ACSM5: variants seen among roughly 807,000 people sequenced by gnomAD.
The protein encoded by ACSM5 is acyl-coenzyme A synthetase ACSM5, mitochondrial.
ACSM5 carries 56 observed loss-of-function variants against 71.6 expected under a neutral mutation model. The observed-to-expected ratio is 0.78, with a 90% CI of 0.63 to 0.98. ACSM5 has a LOEUF of 0.98. ACSM5 is among the 50% of genes least tolerant of loss of function. ACSM5 has a pLI of 0.00. For missense variants in ACSM5, 723 were observed against 726.0 expected (o/e 1.00, Z 0.05); for synonymous variants, 285 against 281.5 (o/e 1.01, Z -0.12).
At chr16:20,419,533 A>G (rs1966869207) in intron 4 of ACSM5, 98 bp downstream of exon 4, 2 of 1,226,880 alleles carry the variant, frequency 1.6e-6, no homozygotes, top group Non-Finnish European at 2.3e-6. Context: ...ATAGAGAGCG[A>G]ATCAGAGAGG....
intron 2 of ACSM5, 32 bp from the exon 3 acceptor site, chr16:20,418,026 CT>C (rs1419057825): frequency 1.9e-6 from 3 of 1,582,428 alleles, no homozygotes; most frequent in Non-Finnish European, 2.6e-6. Flanking sequence ...CAATAAATTG[CT>C]TCTTTTTTTT....
chr16:20,429,613 GC>G, intron 7 of ACSM5, 64 bp from the exon 8 acceptor site: 1 of 1,604,336 alleles, frequency 6.2e-7, no homozygotes, highest in Non-Finnish European at 8.5e-7. Context: ...CTGGGCAGTG[GC>G]ACCAGAGGGC....
chr16:20,415,912 A>G (rs1966855459), intron 2 of ACSM5, among the ~76,000 whole-genome samples: 1 of 152,186 alleles, frequency 6.6e-6, no homozygotes, highest in African/African-American at 2.4e-5. Flanking sequence ...TTTTAAGAGC[A>G]GATAACTTAA....
At chr16:20,431,689 A>G (rs564587863) in intron 10 of ACSM5, among the ~76,000 whole-genome samples, 1 of 152,032 alleles carries the variant, frequency 6.6e-6, no homozygotes, top group Non-Finnish European at 1.5e-5. Flanking sequence ...AGTGGCTCAC[A>G]TCTGTAATCT....
intron 5 of ACSM5, among the ~76,000 whole-genome samples, chr16:20,422,010 G>A (rs112987991): frequency 0.045 from 6,773 of 152,020 alleles, 163 homozygotes; most frequent in South Asian, 0.061. Flanking sequence ...TGTCCTCAAG[G>A]TTCATCCGTG....
chr16:20,410,624 C>T (rs1966845816), intron 1 of ACSM5, among the ~76,000 whole-genome samples: 1 of 152,140 alleles, frequency 6.6e-6, no homozygotes, highest in Admixed American at 6.5e-5. Flanking sequence ...GTCCCAGCTA[C>T]TAGGAAGCCT....
Position 20,418,221 on chromosome 16 carries a change from C to T in ACSM5, c.367C>T (p.Pro123Ser). ...TGGGGACAGAATGATGCTGGTACTC[C>T]CACGGCTCCCGGAGTGGTGGCTGGT... ...QPGDRMMLVL[P>S]RLPEWWLVSV... The change falls in exon 3 of 14, where the codon CCA becomes TCA. Residue 123 changes from proline (P) to serine (S), a missense_variant. Pro to Ser is a moderately conservative substitution (Grantham distance 74). Transcript: ENST00000331849. 2 of 1,612,352 alleles carry T rather than the reference C, an allele frequency of 1.2e-6. No homozygotes were observed. The highest frequency in any genetic ancestry group is 1.7e-6 in the Non-Finnish European group (2 of 1,179,826).
At chr16:20,411,783 A>G in intron 2 of ACSM5, 95 bp downstream of exon 2, 1 of 1,342,708 alleles carries the variant, frequency 7.4e-7, no homozygotes, top group South Asian at 1.3e-5. Flanking sequence ...GTTGATGAGG[A>G]AATTTGGACC....
chr16:20,422,436 A>G (rs1255515244), intron 5 of ACSM5, among the ~76,000 whole-genome samples: 1 of 151,956 alleles, frequency 6.6e-6, no homozygotes, highest in Admixed American at 6.6e-5. Flanking sequence ...TAATCCATTC[A>G]CCTGTTGATA....
chr16:20,435,028 T>C (rs1967165547), intron 10 of ACSM5, among the ~76,000 whole-genome samples: 1 of 152,170 alleles, frequency 6.6e-6, no homozygotes, highest in Admixed American at 6.5e-5. Context: ...ATTAATTAAG[T>C]CTTTTTTGTT....
At chr16:20,429,201 C>T (rs1235767079) in intron 7 of ACSM5, among the ~76,000 whole-genome samples, 2 of 152,036 alleles carry the variant, frequency 1.3e-5, no homozygotes, top group East Asian at 3.9e-4. Flanking sequence ...TCGGTAGAGA[C>T]GGGGTTTTAC....
At chr16:20,426,322 A>G (rs1280151927) in intron 6 of ACSM5, among the ~76,000 whole-genome samples, 1 of 152,224 alleles carries the variant, frequency 6.6e-6, no homozygotes, top group African/African-American at 2.4e-5. Flanking sequence ...AATAAATTAT[A>G]CCGAAACTTA....
At chr16:20,421,136 T>C in intron 4 of ACSM5, 122 bp from the exon 5 acceptor site, 1 of 1,288,456 alleles carries the variant, frequency 7.8e-7, no homozygotes, top group Non-Finnish European at 1.0e-6. Flanking sequence ...GCCAGAGCTT[T>C]CAGCACAGCA....
intron 12 of ACSM5, among the ~76,000 whole-genome samples, chr16:20,438,581 A>C (rs1264207000): frequency 6.6e-6 from 1 of 151,846 alleles, no homozygotes; most frequent in Non-Finnish European, 1.5e-5. Flanking sequence ...GCCGTGAGTT[A>C]ACTGGGACTG....
intron 10 of ACSM5, among the ~76,000 whole-genome samples, chr16:20,436,185 TTC>T (rs1380270897): frequency 7.0e-6 from 1 of 142,442 alleles, no homozygotes; most frequent in South Asian, 2.5e-4. Context: ...CTCCCTTTTC[TTC>T]TCTCTTTCTT....
chr16:20,421,411 C>T lies in ACSM5; in HGVS notation c.767+10C>T. The T allele has an allele frequency of 1.3e-6, 2 of 1,578,660 alleles. No homozygotes were observed. The highest frequency in any genetic ancestry group is 2.3e-5 in the East Asian group (1 of 43,306). On this transcript the variant is annotated intron_variant, in intron 5 of 13. Transcript: ENST00000331849. ...TTGTGGCCAGCGGAAGGTACCAGAG[C>T]AGCTTGTCTAGAGGATCCAAGAACA...
chr16:20,437,496 A>G (rs1031751419), intron 12 of ACSM5, 129 bp downstream of exon 12: 6 of 729,204 alleles, frequency 8.2e-6, no homozygotes, highest in African/African-American at 3.5e-5. Context: ...AAATGCCACC[A>G]TCAGACACAC....
chr16:20,432,794 G>T (rs116886642), intron 10 of ACSM5, among the ~76,000 whole-genome samples: 1 of 131,394 alleles, frequency 7.6e-6, no homozygotes, highest in Admixed American at 7.5e-5. Context: ...TAGTTTTTTT[G>T]ACTGTTTCTT....
chr16:20,417,381 T>TA (rs1459197134), intron 2 of ACSM5, among the ~76,000 whole-genome samples: 2 of 152,214 alleles, frequency 1.3e-5, no homozygotes, highest in African/African-American at 4.8e-5. Flanking sequence ...ATCAAAATAA[T>TA]GTAATGCCAA....
Sources: gnomAD v4.1 joint callset for allele counts (sites outside exome capture counted in the v4.1 genomes callset) on GRCh38, gnomAD v4.1.1 for gene constraint, MANE v1.5 for transcripts, NCBI Gene and HGNC (gene_info 2026-07-23, HGNC 2026-07-21) for gene names.